Variants in TMX4 observed in about 807,000 individuals in gnomAD.
The protein encoded by TMX4 is thioredoxin related transmembrane protein 4, also known as thioredoxin-related transmembrane protein 4.
A neutral mutation model predicts 33.3 loss-of-function variants in TMX4; 23 were observed. That is an observed-to-expected ratio of 0.69 (90% CI 0.50 to 0.98). TMX4 has a LOEUF of 0.98. Among genes scored for constraint, TMX4 ranks in the 50% least tolerant of loss-of-function variants. TMX4 has a pLI of 0.00. For missense variants in TMX4, 399 were observed against 448.9 expected, an observed-to-expected ratio of 0.89 and a Z score of 1.01; for synonymous variants, 164 against 161.5, an observed-to-expected ratio of 1.02 and a Z score of -0.12.
chr20:7,993,535 G>A (rs749733173), intron 5 of TMX4, among the ~76,000 whole-genome samples: 20 of 152,142 alleles, frequency 1.3e-4, no homozygotes, highest in Non-Finnish European at 2.4e-4. Context: ...AAAGGTGGGA[G>A]TGGGGACCAG....
intron 7 of TMX4, among the ~76,000 whole-genome samples, chr20:7,983,350 CA>C (rs1388596398): frequency 6.6e-6 from 1 of 152,170 alleles, no homozygotes; most frequent in Non-Finnish European, 1.5e-5. Flanking sequence ...CATCTTTATG[CA>C]GTCTCAAAAA....
intron 4 of TMX4, among the ~76,000 whole-genome samples, chr20:7,999,488 T>C (rs988097887): frequency 6.6e-6 from 1 of 152,196 alleles, no homozygotes. Flanking sequence ...GTGTAAAAGC[T>C]GGAAAAGAGG....
chr20:7,985,237 G>GTA (rs2050625637), intron 6 of TMX4, among the ~76,000 whole-genome samples: 2 of 146,866 alleles, frequency 1.4e-5, no homozygotes, highest in Admixed American at 6.9e-5. Flanking sequence ...GTGTGTGTGT[G>GTA]TATATATATG....
rs2050635599 is a variant in TMX4, at chr20:7,987,379, T to C, written c.524A>G (p.Asn175Ser). Residue 175 changes from asparagine to serine, a missense_variant, in exon 6 of 8, where the codon AAC (asparagine) becomes AGC (serine). Coordinates refer to ENST00000246024, the MANE Select transcript of TMX4 (RefSeq NM_021156.4). ...SISGKIWHLH[N>S]YFTVTLGIPA... ...AATTCCAAGAGTCACTGTGAAATAGTTGTGAAGATGCTGGAATCAGAAGAA... is the reference window on the plus strand; with the variant it reads ...AATTCCAAGAGTCACTGTGAAATAGCTGTGAAGATGCTGGAATCAGAAGAA... 1.3e-6 allele frequency: 2 copies of C among 1,577,968 alleles called. No individual in the cohort carries two copies. The highest frequency in any genetic ancestry group is 2.3e-5 in the East Asian group (1 of 43,932).
chr20:8,018,092 C>A (rs973657568), intron 1 of TMX4, among the ~76,000 whole-genome samples: 1 of 151,494 alleles, frequency 6.6e-6, no homozygotes, highest in Non-Finnish European at 1.5e-5. Flanking sequence ...TCCATAGGCA[C>A]CTGCTTGCAA....
At chr20:8,011,447 T>A (rs1053664532) in intron 1 of TMX4, among the ~76,000 whole-genome samples, 1 of 151,722 alleles carries the variant, frequency 6.6e-6, no homozygotes, top group African/African-American at 2.4e-5. Flanking sequence ...AATTCTGAAC[T>A]GTGCAAAAGC....
chr20:7,987,474 C>T, intron 5 of TMX4, 85 bp from the exon 6 acceptor site: 1 of 896,096 alleles, frequency 1.1e-6, no homozygotes, highest in Non-Finnish European at 1.6e-6. Context: ...GTTGTTTCTA[C>T]ATACATAGGT....
chr20:7,990,616 T>A (rs1223526554), intron 5 of TMX4, among the ~76,000 whole-genome samples: 1 of 152,170 alleles, frequency 6.6e-6, no homozygotes, highest in African/African-American at 2.4e-5. Context: ...TACTACTTAG[T>A]CACACCCACT....
At position 7,978,185 on chromosome 20, in the gene TMX4, A is replaced by C. The variant is rs967294353; in HGVS notation, c.*4066T>G. 2 of 152,232 alleles carry C rather than the reference A, an allele frequency of 1.3e-5. No individual in the cohort carries two copies. Among genetic ancestry groups the C allele is most frequent in the Non-Finnish European group, 2.9e-5 (2 of 68,042 alleles). The allele number at this position is 152,232 out of a possible 1,614,324, so 9.4% of individuals were successfully genotyped here. A position where few individuals can be genotyped will look rare whatever the true frequency, so the allele number is the denominator to read the frequency against. On this transcript the variant is annotated 3_prime_UTR_variant, in exon 8 of 8. Transcript: ENST00000246024. ...TAATACTGACAGAAATAACACTGTAACACCAAGATGAGGGACACAGATAAC... is the reference window on the plus strand; with the variant it reads ...TAATACTGACAGAAATAACACTGTACCACCAAGATGAGGGACACAGATAAC...
Position 7,999,838 on chromosome 20 carries a change from G to A in TMX4, c.361C>T (p.Arg121Cys), listed in dbSNP as rs375146434. 14 of 1,613,130 alleles carry A rather than the reference G, an allele frequency of 8.7e-6. No homozygotes were observed. The African/African-American group carries it at 1.1e-4, about 12-fold the overall frequency. ...TCGAAGATTCCTGGGCCACGATAACGGCGGAATATCCCATCCTTTGCACTA... is the reference window on the plus strand; with the variant it reads ...TCGAAGATTCCTGGGCCACGATAACAGCGGAATATCCCATCCTTTGCACTA... ...FFHAKDGIFR[R>C]YRGPGIFEDL... The change falls in exon 4 of 8, where the codon CGT becomes TGT. Residue 121 changes from arginine to cysteine, a missense_variant. Transcript: ENST00000246024.
chr20:7,981,201 C>A lies in TMX4; in HGVS notation c.*1050G>T, dbSNP rs1010907516. 6.6e-6 allele frequency: 1 copy of A among 152,028 alleles called. No individual in the cohort carries two copies. The highest frequency in any genetic ancestry group is 2.1e-4 in the South Asian group (1 of 4,818). The allele number at this position is 152,028 out of a possible 1,614,324, so 9.4% of individuals were successfully genotyped here. On this transcript the variant is annotated 3_prime_UTR_variant, in exon 8 of 8. Transcript: ENST00000246024. ...TTTCAGGTACTGGAGTTCATTAATT[C>A]TTTCACCAAAAGCACATCACTGAAG...
At chr20:7,988,950 G>A (rs1485755487) in intron 5 of TMX4, among the ~76,000 whole-genome samples, 1 of 151,786 alleles carries the variant, frequency 6.6e-6, no homozygotes, top group Non-Finnish European at 1.5e-5. Context: ...TTGAACCCCG[G>A]AGGCAGAGGG....
At chr20:7,994,347 G>A (rs1391898295) in intron 5 of TMX4, among the ~76,000 whole-genome samples, 1 of 152,102 alleles carries the variant, frequency 6.6e-6, no homozygotes, top group African/African-American at 2.4e-5. Context: ...CATCCACACA[G>A]AATACATCTG....
intron 1 of TMX4, among the ~76,000 whole-genome samples, chr20:8,011,854 G>C (rs2050754440): frequency 6.6e-6 from 1 of 152,094 alleles, no homozygotes; most frequent in Non-Finnish European, 1.5e-5. Flanking sequence ...CTGAGATCCA[G>C]AAGACAGGAA....
intron 1 of TMX4, among the ~76,000 whole-genome samples, chr20:8,014,612 G>T (rs1438711994): frequency 6.6e-6 from 1 of 152,224 alleles, no homozygotes; most frequent in Non-Finnish European, 1.5e-5. Flanking sequence ...GTAATTACTG[G>T]TTGTGATAGG....
At chr20:7,993,502 G>A (rs1181256464) in intron 5 of TMX4, among the ~76,000 whole-genome samples, 1 of 152,120 alleles carries the variant, frequency 6.6e-6, no homozygotes, top group Non-Finnish European at 1.5e-5. Context: ...GCTCTATAAA[G>A]ACAGGAAGGC....
chr20:8,006,125 C>T (rs750573432), intron 2 of TMX4, among the ~76,000 whole-genome samples: 2 of 151,464 alleles, frequency 1.3e-5, no homozygotes, highest in African/African-American at 2.4e-5. Context: ...TTTATGCTGC[C>T]GTGGGATCGG....
chr20:8,019,669 C>G lies in TMX4; in HGVS notation c.-56G>C, dbSNP rs1320831521. Reference sequence around the variant, plus strand: ...GAGTGTGGGGAAGGGCAGCGGCCGGCCCGCAGCCTCGCTCGCCCGCCGGGT... The same window carrying G: ...GAGTGTGGGGAAGGGCAGCGGCCGGGCCGCAGCCTCGCTCGCCCGCCGGGT... On this transcript the variant is annotated 5_prime_UTR_variant, in exon 1 of 8. Transcript: ENST00000246024. 7.9e-7 allele frequency: 1 copy of G among 1,264,216 alleles called. No homozygotes were observed. Among genetic ancestry groups the G allele is most frequent in the Non-Finnish European group, 1.0e-6 (1 of 1,000,170 alleles). 78.3% of individuals were successfully genotyped at this position (1,264,216 alleles called of 1,614,324 possible). A position where few individuals can be genotyped will look rare whatever the true frequency, so the allele number is the denominator to read the frequency against.
intron 5 of TMX4, among the ~76,000 whole-genome samples, chr20:7,991,684 C>T (rs573375541): frequency 4.6e-5 from 7 of 152,194 alleles, no homozygotes; most frequent in African/African-American, 7.2e-5. Context: ...AAGTATTCCA[C>T]GTTGGCTATA....
Sources: gnomAD v4.1 joint callset for allele counts (sites outside exome capture counted in the v4.1 genomes callset) on GRCh38, gnomAD v4.1.1 for gene constraint, MANE v1.5 for transcripts, NCBI Gene and HGNC (gene_info 2026-07-23, HGNC 2026-07-21) for gene names.